The following PTCD1 variants were observed in gnomAD, a reference collection of about 807,000 sequenced individuals.
The protein encoded by PTCD1 is pentatricopeptide repeat domain 1, also known as pentatricopeptide repeat-containing protein 1, mitochondrial.
A neutral mutation model predicts 53.4 loss-of-function variants in PTCD1; 50 were observed. The observed-to-expected ratio is 0.94, with a 90% CI of 0.75 to 1.19. The LOEUF (loss-of-function observed/expected upper bound fraction) is 1.19. PTCD1 is among the 50% of genes most tolerant of loss of function. The pLI, the probability that PTCD1 is intolerant of heterozygous loss-of-function variation, is 0.00. For synonymous variants in PTCD1, 413 were observed against 394.8 expected (o/e 1.05, Z -0.55); for missense variants, 918 against 904.8 (o/e 1.01, Z -0.19).
In PTCD1 at chr7:99,417,881, G is replaced by A. The variant is rs1007871123; in HGVS notation, c.*2086C>T. On this transcript the variant is annotated 3_prime_UTR_variant, in exon 8 of 8. Coordinates refer to ENST00000292478, the MANE Select transcript of PTCD1 (RefSeq NM_015545.4). ...GGTGGTGGGGAGCCCTAATCCCAAG[G>A]TGGTGGCAGGGTGACATCAGGGAAG... The A allele has an allele frequency of 2.9e-6, 4 of 1,359,946 alleles. No individual in the cohort carries two copies. In the African/African-American group the frequency reaches 4.4e-5, roughly 15 times the overall value. 84.2% of individuals were successfully genotyped at this position (1,359,946 alleles called of 1,614,324 possible). A position where few individuals can be genotyped will look rare whatever the true frequency, so the allele number is the denominator to read the frequency against.
chr7:99,429,021 A>G, intron 5 of PTCD1, 82 bp downstream of exon 5: 2 of 1,491,842 alleles, frequency 1.3e-6, no homozygotes, highest in South Asian at 2.3e-5. Context: ...GCACAGGGCC[A>G]TCGTGGGTGC....
Position 99,417,783 on chromosome 7 carries a change from T to C in PTCD1, c.*2184A>G. 1 of 1,529,438 alleles carries C rather than the reference T, an allele frequency of 6.5e-7. No homozygotes were observed. Among genetic ancestry groups the C allele is most frequent in the Non-Finnish European group, 8.7e-7 (1 of 1,143,698 alleles). 94.7% of individuals were successfully genotyped at this position (1,529,438 alleles called of 1,614,324 possible). A position where few individuals can be genotyped will look rare whatever the true frequency, so the allele number is the denominator to read the frequency against. On this transcript the variant is annotated 3_prime_UTR_variant, in exon 8 of 8. Coordinates refer to ENST00000292478, the MANE Select transcript of PTCD1 (RefSeq NM_015545.4). ...ATGTGAGGCAGCGTGTGGCTGTGTG[T>C]TTGTTAGGTCTGGGGTCAATCTCAA...
chr7:99,420,657 C>G (rs1795763837), intron 7 of PTCD1, among the ~76,000 whole-genome samples: 1 of 152,208 alleles, frequency 6.6e-6, no homozygotes, highest in South Asian at 2.1e-4. Flanking sequence ...GCTACTACCA[C>G]ACAATGACAA....
intron 7 of PTCD1, 59 bp downstream of exon 7, chr7:99,423,716 G>T (rs193284423): frequency 1.2e-5 from 19 of 1,609,672 alleles, no homozygotes; most frequent in East Asian, 2.2e-5. Flanking sequence ...GTTGGGTGGT[G>T]GGGGGAGGGG....
At chr7:99,433,064 G>A (rs1302372390) in intron 3 of PTCD1, 1 of 670,606 alleles carries the variant, frequency 1.5e-6, no homozygotes, top group Non-Finnish European at 2.5e-6. Context: ...GGAAAAGAAA[G>A]GGAACATGGG....
rs866302684 is a variant in PTCD1 at position 99,417,047 on chromosome 7, C to T, written c.*2920G>A. On this transcript the variant is annotated 3_prime_UTR_variant, in exon 8 of 8. Coordinates refer to ENST00000292478, the MANE Select transcript of PTCD1 (RefSeq NM_015545.4). ...TTTGTTCCTCCTCCAAGGACTGTCC[C>T]GTTGCAATACTGAATGCCTTTTTTT... 1.2e-4 allele frequency: 26 copies of T among 215,070 alleles called. No homozygotes were observed. Among genetic ancestry groups the T allele is most frequent in the Admixed American group, 4.8e-4 (9 of 18,822 alleles). 13.3% of individuals were successfully genotyped at this position (215,070 alleles called of 1,614,324 possible).
intron 3 of PTCD1, 86 bp downstream of exon 3, chr7:99,433,192 A>T: frequency 6.2e-7 from 1 of 1,603,980 alleles, no homozygotes; most frequent in Non-Finnish European, 8.5e-7. Context: ...TCACCTGCCC[A>T]GTGTAAAGCA....
Position 99,425,466 on chromosome 7 carries a change from G to C in PTCD1, c.1066C>G (p.Pro356Ala). 1 of 1,613,672 alleles carries C rather than the reference G, an allele frequency of 6.2e-7. No homozygotes were observed. Among genetic ancestry groups the C allele is most frequent in the South Asian group, 1.1e-5 (1 of 91,078 alleles). Reference sequence around the variant, plus strand: ...CTTGGCCGCTGCCTGCTCACTGGGGGCTGAAGCACAGTCGCCTCCTCCCTG... The same window carrying C: ...CTTGGCCGCTGCCTGCTCACTGGGGCCTGAAGCACAGTCGCCTCCTCCCTG... ...KPREEATVLQ[P>A]PVSRQRPRRT... is the part of the protein sequence containing the mutation. The change falls in exon 6 of 8, where the codon CCC becomes GCC. Residue 356 changes from proline (P) to alanine (A), a missense_variant. By Grantham distance (27) the Pro-to-Ala change is conservative. Coordinates refer to ENST00000292478, the MANE Select transcript of PTCD1 (RefSeq NM_015545.4).
chr7:99,427,751 T>C (rs1186501669), intron 5 of PTCD1, among the ~76,000 whole-genome samples: 20 of 149,300 alleles, frequency 1.3e-4, no homozygotes, highest in South Asian at 4.2e-4. Flanking sequence ...TTCATTTTGT[T>C]CTGTACTAAG....
chr7:99,419,093 A>G lies in PTCD1; in HGVS notation c.*874T>C, dbSNP rs1448728388. 1.1e-5 allele frequency: 5 copies of G among 449,590 alleles called. No homozygotes were observed. The highest frequency in any genetic ancestry group is 4.0e-5 in the African/African-American group (2 of 49,972). 27.9% of individuals were successfully genotyped at this position (449,590 alleles called of 1,614,324 possible). ...ATCGCAGGGTCTGTCATGCTCACTT[A>G]GCAGAATAACGAGACTCATTCACAC... On this transcript the variant is annotated 3_prime_UTR_variant, in exon 8 of 8. Coordinates refer to ENST00000292478, the MANE Select transcript of PTCD1 (RefSeq NM_015545.4).
chr7:99,434,014 T>C (rs1429463810), intron 2 of PTCD1, among the ~76,000 whole-genome samples: 1 of 134,832 alleles, frequency 7.4e-6, no homozygotes, highest in Non-Finnish European at 1.5e-5. Context: ...ATTTCACCAC[T>C]GCACTCCAGC....
At chr7:99,436,280 G>A (rs1026346622) in intron 1 of PTCD1, among the ~76,000 whole-genome samples, 60 of 152,168 alleles carry the variant, frequency 3.9e-4, no homozygotes, top group African/African-American at 1.4e-3. Flanking sequence ...AGAAGGTTGC[G>A]ATTGGAAAAG....
rs368940211 is a variant in PTCD1, at chr7:99,433,470, C to T, written c.454-52G>A. 3.1e-6 allele frequency: 5 copies of T among 1,613,132 alleles called. No homozygotes were observed. The African/African-American group carries it at 5.3e-5, about 17-fold the overall frequency. ...GGCTCAGAATGGCCCCAGAGACCCT[C>T]AGCAGAGAGAGGGAGGTTGAAGCTG... On this transcript the variant is annotated intron_variant, in intron 2 of 7. Transcript: ENST00000292478.
chr7:99,424,040 C>T (rs1259875375), intron 6 of PTCD1, 83 bp from the exon 7 acceptor site: 3 of 1,559,026 alleles, frequency 1.9e-6, no homozygotes, highest in African/African-American at 2.7e-5. Flanking sequence ...ATCAAGCTGG[C>T]TCCCGGGACC....
rs1795561373 is a variant in PTCD1, at chr7:99,417,420, T to G, written c.*2547A>C. 2 of 1,613,662 alleles carry G rather than the reference T, an allele frequency of 1.2e-6. No individual in the cohort carries two copies. Among genetic ancestry groups the G allele is most frequent in the Non-Finnish European group, 1.7e-6 (2 of 1,179,744 alleles). On this transcript the variant is annotated 3_prime_UTR_variant, in exon 8 of 8. Coordinates refer to ENST00000292478, the MANE Select transcript of PTCD1 (RefSeq NM_015545.4). ...ATGGCCTGATGCTCTTTCCCCATCT[T>G]TTTGACAGAACTCTATGAATATTGT...
Position 99,433,064 on chromosome 7 carries a change from G to T in PTCD1, c.594+214C>A. On this transcript the variant is annotated intron_variant, in intron 3 of 7. Transcript: ENST00000292478. ...TGTTTTTTTTTGAAGGGAAAAGAAA[G>T]GGAACATGGGGACCGCCACAGTCCA... 6.0e-6 allele frequency: 4 copies of T among 670,606 alleles called. No individual in the cohort carries two copies. The South Asian group carries it at 7.4e-5, about 12-fold the overall frequency. The allele number at this position is 670,606 out of a possible 1,614,324, so 41.5% of individuals were successfully genotyped here.
chr7:99,423,027 C>T (rs1433352538), intron 7 of PTCD1, among the ~76,000 whole-genome samples: 1 of 151,638 alleles, frequency 6.6e-6, no homozygotes, highest in Non-Finnish European at 1.5e-5. Flanking sequence ...ACCACCACAC[C>T]GGGCGAGAGC....
At chr7:99,433,571 C>T (rs1796342397) in intron 2 of PTCD1, among the ~76,000 whole-genome samples, 153 bp from the exon 3 acceptor site, 1 of 152,182 alleles carries the variant, frequency 6.6e-6, no homozygotes, top group Non-Finnish European at 1.5e-5. Flanking sequence ...CTGTTTCTGC[C>T]CCATCCCTCA....
chr7:99,417,770 G>C lies in PTCD1; in HGVS notation c.*2197C>G. On this transcript the variant is annotated 3_prime_UTR_variant, in exon 8 of 8. Transcript: ENST00000292478. ...TATTCAGGAATCCATGTGAGGCAGC[G>C]TGTGGCTGTGTGTTTGTTAGGTCTG... The C allele has an allele frequency of 5.2e-6, 8 of 1,531,372 alleles. No individual in the cohort carries two copies. Among genetic ancestry groups the C allele is most frequent in the Admixed American group, 2.0e-5 (1 of 50,854 alleles). The allele number at this position is 1,531,372 out of a possible 1,614,324, so 94.9% of individuals were successfully genotyped here.
Sources: allele counts gnomAD v4.1 joint callset (sites outside exome capture counted in the v4.1 genomes callset), GRCh38; gene constraint gnomAD v4.1.1; transcripts MANE v1.5; gene names NCBI Gene and HGNC (gene_info 2026-07-23, HGNC 2026-07-21).